Variants in IKZF1 observed in about 807,000 individuals in gnomAD.
IKZF1 encodes the protein IKAROS family zinc finger 1, also known as DNA-binding protein Ikaros.
Under a neutral mutation model 51.7 loss-of-function variants are expected in IKZF1, and 10 were observed. That is an observed-to-expected ratio of 0.19 (90% confidence interval 0.12 to 0.33). The LOEUF (loss-of-function observed/expected upper bound fraction) is 0.33. IKZF1 is among the 10% of genes least tolerant of loss of function. IKZF1 has a pLI of 1.00. For synonymous variants in IKZF1, 280 were observed against 282.3 expected (o/e 0.99, Z 0.08); for missense variants, 484 against 707.5 (o/e 0.68, Z 3.58).
intron 3 of IKZF1, among the ~76,000 whole-genome samples, chr7:50,354,069 C>T (rs1348012958): frequency 6.6e-6 from 1 of 152,202 alleles, no homozygotes; most frequent in East Asian, 1.9e-4. Context: ...TCATCTGTGA[C>T]TCAGGATTTA....
In IKZF1 at chr7:50,382,679, C is replaced by T. The variant is rs1424774114; in HGVS notation, c.561C>T (p.Ala187=). ...ACTACGCCTGCCGCCGGAGGGACGC[C>T]CTCACTGGCCACCTGAGGACGCACT... ...LCNYACRRRD[A]LTGHLRTHSV... Residue 187 remains alanine, a synonymous_variant, in exon 5 of 8, where the codon GCC becomes GCT. Transcript: ENST00000331340. The T allele has an allele frequency of 6.2e-7, 1 of 1,610,494 alleles. No homozygotes were observed. Among genetic ancestry groups the T allele is most frequent in the Non-Finnish European group, 8.5e-7 (1 of 1,179,794 alleles).
rs1310156575 is a variant in IKZF1 at position 50,401,416 on chromosome 7, A to G, written c.*789A>G. 4.4e-6 allele frequency: 1 copy of G among 226,320 alleles called. No individual in the cohort carries two copies. The allele number at this position is 226,320 out of a possible 1,614,324, so 14.0% of individuals were successfully genotyped here. A position where few individuals can be genotyped will look rare whatever the true frequency, so the allele number is the denominator to read the frequency against. On this transcript the variant is annotated 3_prime_UTR_variant, in exon 8 of 8. Coordinates refer to ENST00000331340, the MANE Select transcript of IKZF1 (RefSeq NM_006060.6). ...AGGAGGAGACTGTCTTCCCGTGGGC[A>G]TATCTGGGGAGCCCTGTTCCCCGCT...
At chr7:50,326,299 A>G (rs1010603038) in intron 2 of IKZF1, among the ~76,000 whole-genome samples, 2 of 152,176 alleles carry the variant, frequency 1.3e-5, no homozygotes, top group South Asian at 2.1e-4. Context: ...AGGTTTGTCT[A>G]TGTGTTCATA....
chr7:50,306,832 A>G (rs1176576489), intron 1 of IKZF1, among the ~76,000 whole-genome samples: 1 of 152,228 alleles, frequency 6.6e-6, no homozygotes, highest in Admixed American at 6.5e-5. Context: ...TGTGTGTTTC[A>G]TGCGTGGTTA....
At chr7:50,310,406 T>C (rs901145731) in intron 1 of IKZF1, among the ~76,000 whole-genome samples, 3 of 152,248 alleles carry the variant, frequency 2.0e-5, no homozygotes, top group Non-Finnish European at 4.4e-5. Context: ...CGCTCTCTTA[T>C]GGACAGGAGC....
At chr7:50,315,623 ATTGT>A (rs1791362657) in intron 1 of IKZF1, among the ~76,000 whole-genome samples, 1 of 152,204 alleles carries the variant, frequency 6.6e-6, no homozygotes, top group Admixed American at 6.5e-5. Context: ...CTTGCCTGAA[ATTGT>A]TTGGGTTTCC....
intron 3 of IKZF1, among the ~76,000 whole-genome samples, chr7:50,353,479 G>T (rs923458793): frequency 6.6e-6 from 1 of 152,162 alleles, no homozygotes; most frequent in Non-Finnish European, 1.5e-5. Flanking sequence ...AAAAGAAGTT[G>T]CCCTCCTCCC....
At chr7:50,393,728 A>G (rs910220240) in intron 7 of IKZF1, 2 of 231,910 alleles carry the variant, frequency 8.6e-6, no homozygotes, top group African/African-American at 4.4e-5. Flanking sequence ...TGGGATTCCC[A>G]CAGCACTGGG....
At chr7:50,359,247 C>T (rs1340051681) in intron 3 of IKZF1, among the ~76,000 whole-genome samples, 5 of 152,182 alleles carry the variant, frequency 3.3e-5, no homozygotes, top group Non-Finnish European at 7.3e-5. Flanking sequence ...GGCCACAGAG[C>T]AAGATCCTGT....
chr7:50,310,036 C>G (rs191351966), intron 1 of IKZF1, among the ~76,000 whole-genome samples: 2 of 152,282 alleles, frequency 1.3e-5, no homozygotes, highest in Admixed American at 6.5e-5. Context: ...AGCTGATATT[C>G]AAAGAGATTC....
At chr7:50,375,338 C>G (rs1809920027) in intron 3 of IKZF1, among the ~76,000 whole-genome samples, 1 of 152,132 alleles carries the variant, frequency 6.6e-6, no homozygotes, top group Non-Finnish European at 1.5e-5. Context: ...GTGGGAGGAT[C>G]ACTTGAGCCC....
intron 3 of IKZF1, chr7:50,367,909 G>C (rs935456232): frequency 1.7e-6 from 1 of 604,856 alleles, no homozygotes; most frequent in Non-Finnish European, 2.9e-6. Context: ...GTAATAAAAC[G>C]TTCTTTTTTA....
chr7:50,344,402 A>G (rs1799834754), intron 3 of IKZF1, among the ~76,000 whole-genome samples: 1 of 152,218 alleles, frequency 6.6e-6, no homozygotes, highest in African/African-American at 2.4e-5. Flanking sequence ...GTCAATCAGC[A>G]GTGTTTCTAA....
intron 3 of IKZF1, among the ~76,000 whole-genome samples, chr7:50,350,622 C>T (rs140570652): frequency 1.2e-4 from 19 of 152,338 alleles, no homozygotes; most frequent in Admixed American, 9.8e-4. Flanking sequence ...GACCTCACCT[C>T]GTGCACAGAT....
intron 3 of IKZF1, among the ~76,000 whole-genome samples, chr7:50,370,364 T>C (rs746661417): frequency 2.0e-5 from 3 of 152,226 alleles, no homozygotes; most frequent in Non-Finnish European, 4.4e-5. Context: ...TTAAAAAATG[T>C]TTAATTATCC....
At chr7:50,351,782 G>T (rs1584695830) in intron 3 of IKZF1, among the ~76,000 whole-genome samples, 1 of 152,142 alleles carries the variant, frequency 6.6e-6, no homozygotes, top group Non-Finnish European at 1.5e-5. Context: ...TTTCTAAACT[G>T]CTCAAGCCTA....
In IKZF1 at chr7:50,403,974, T is replaced by A. The variant is rs983149737; in HGVS notation, c.*3347T>A. 19 of 214,736 alleles carry A rather than the reference T, an allele frequency of 8.8e-5. No homozygotes were observed. The highest frequency in any genetic ancestry group is 1.2e-4 in the Admixed American group (2 of 17,146). The allele number at this position is 214,736 out of a possible 1,614,324, so 13.3% of individuals were successfully genotyped here. ...AGCAATAATGAATGGTCAACTTTTT[T>A]AAAATCTAGATCTCTCTCATTCATT... On this transcript the variant is annotated 3_prime_UTR_variant, in exon 8 of 8. Transcript: ENST00000331340.
chr7:50,335,731 G>A (rs1489449570), intron 3 of IKZF1, among the ~76,000 whole-genome samples: 1 of 149,552 alleles, frequency 6.7e-6, no homozygotes, highest in African/African-American at 2.5e-5. Context: ...ATGTTTATGG[G>A]ATGTGTGGTG....
rs58184950 is a variant in IKZF1, at chr7:50,402,558, G to A, written c.*1931G>A. The A allele has an allele frequency of 0.057, 13,241 of 231,394 alleles. 444 individuals are homozygous for A. Among genetic ancestry groups the A allele is most frequent in the East Asian group, 0.16 (2,641 of 16,388 alleles). 14.3% of individuals were successfully genotyped at this position (231,394 alleles called of 1,614,324 possible). A position where few individuals can be genotyped will look rare whatever the true frequency, so the allele number is the denominator to read the frequency against. ...ATCAAATGTCTGGGAAGCCCTCCAA[G>A]AAAAAAAATAGAAAAGCACTTGAAG... On this transcript the variant is annotated 3_prime_UTR_variant, in exon 8 of 8. Transcript: ENST00000331340.
Sources: gnomAD v4.1 joint callset for allele counts (sites outside exome capture counted in the v4.1 genomes callset) on GRCh38, gnomAD v4.1.1 for gene constraint, MANE v1.5 for transcripts, NCBI Gene and HGNC (gene_info 2026-07-23, HGNC 2026-07-21) for gene names.